Variants in SPTBN4 observed in about 807,000 individuals in gnomAD.
The protein encoded by SPTBN4 is spectrin beta chain, non-erythrocytic 4.
SPTBN4 carries 96 observed loss-of-function variants against 277.8 expected under a neutral mutation model. The ratio of observed to expected loss-of-function variants is 0.35; its 90% confidence interval spans 0.29 to 0.41. The LOEUF (loss-of-function observed/expected upper bound fraction) is 0.41, where lower values mean the gene tolerates loss of function less well. Ranked by LOEUF, SPTBN4 falls within the 10% of genes least tolerant of loss-of-function variation. The pLI, the probability that SPTBN4 is intolerant of heterozygous loss-of-function variation, is 1.00. For missense variants in SPTBN4, 3,006 were observed against 3,595.7 expected, an observed-to-expected ratio of 0.84 and a Z score of 4.19; for synonymous variants, 1,481 against 1,580.3, an observed-to-expected ratio of 0.94 and a Z score of 1.49.
chr19:40,541,675 C>T (rs1046353444), intron 20 of SPTBN4, among the ~76,000 whole-genome samples: 8 of 152,098 alleles, frequency 5.3e-5, no homozygotes, highest in African/African-American at 2.4e-5. Flanking sequence ...CCTGTCCTCC[C>T]GTCGCCATCT....
intron 13 of SPTBN4, among the ~76,000 whole-genome samples, chr19:40,507,830 C>T (rs1476464117): frequency 6.6e-6 from 1 of 152,170 alleles, no homozygotes; most frequent in Non-Finnish European, 1.5e-5. Context: ...GAGCGAGACT[C>T]CTTCTCAAAA....
At chr19:40,544,189 C>A (rs1240428115) in intron 20 of SPTBN4, among the ~76,000 whole-genome samples, 3 of 149,830 alleles carry the variant, frequency 2.0e-5, no homozygotes, top group Non-Finnish European at 3.0e-5. Flanking sequence ...TTTGCCAAAG[C>A]CGGAGCGCAA....
chr19:40,480,622 T>G (rs994060679), intron 2 of SPTBN4, among the ~76,000 whole-genome samples: 5 of 152,208 alleles, frequency 3.3e-5, no homozygotes, highest in Admixed American at 3.3e-4. Flanking sequence ...ATTATGCTTG[T>G]GGGAGATTCA....
rs556371012 is a variant in SPTBN4 at position 40,490,005 on chromosome 19, C to G, written c.322-70C>G. The G allele has an allele frequency of 1.5e-3, 2,228 of 1,454,508 alleles. 4 individuals carry two copies. The highest frequency in any genetic ancestry group is 1.6e-3 in the Non-Finnish European group (1,804 of 1,096,846). The allele number at this position is 1,454,508 out of a possible 1,614,324, so 90.1% of individuals were successfully genotyped here. A position where few individuals can be genotyped will look rare whatever the true frequency, so the allele number is the denominator to read the frequency against. On this transcript the variant is annotated intron_variant, in intron 3 of 35. Transcript: ENST00000598249. The surrounding 1 kb of genome is among the most constrained non-coding windows in gnomAD (Gnocchi z 4.3). ...CACGGGAGGCGGGCTTCTTTGGAAGCTGCGGGGCCGAGGGCGCCATACTCC... is the reference window on the plus strand; with the variant it reads ...CACGGGAGGCGGGCTTCTTTGGAAGGTGCGGGGCCGAGGGCGCCATACTCC...
chr19:40,549,039 A>G, intron 20 of SPTBN4, 150 bp from the exon 21 acceptor site: 1 of 620,152 alleles, frequency 1.6e-6, no homozygotes, highest in South Asian at 2.1e-5. Flanking sequence ...GTTCATGCGG[A>G]GCGCATCGCT....
At chr19:40,568,698 G>T (rs2081121390) in intron 31 of SPTBN4, among the ~76,000 whole-genome samples, 1 of 152,128 alleles carries the variant, frequency 6.6e-6, no homozygotes, top group Admixed American at 6.6e-5. Flanking sequence ...TATGAAGTGG[G>T]GGCTGTTGTC....
At chr19:40,481,950 CT>C (rs2080017156) in intron 2 of SPTBN4, among the ~76,000 whole-genome samples, 1 of 125,600 alleles carries the variant, frequency 8.0e-6, no homozygotes, top group Non-Finnish European at 1.7e-5. Flanking sequence ...TTTTTTTTTT[CT>C]TTTGAGATGG....
chr19:40,555,789 C>T (rs1472869250), intron 24 of SPTBN4, among the ~76,000 whole-genome samples: 1 of 151,622 alleles, frequency 6.6e-6, no homozygotes. Flanking sequence ...GGTGTAGAGT[C>T]ACGTGCCTGT....
At position 40,551,880 on chromosome 19, in the gene SPTBN4, G is replaced by C. The variant is rs184526012; in HGVS notation, c.4674+1553G>C. ...ATAGTAGAAGGTGCCTGTAATCCCA[G>C]CTACCTGGGAGGCTGAGGCAGGAGA... On this transcript the variant is annotated intron_variant, in intron 22 of 35. Coordinates refer to ENST00000598249, the MANE Select transcript of SPTBN4 (RefSeq NM_020971.3). Among the ~76,000 whole-genome samples the C allele has an allele frequency of 5.1e-3, 781 of 152,152 alleles. 6 individuals carry two copies. Among genetic ancestry groups the C allele is most frequent in the African/African-American group, 0.018 (736 of 41,474 alleles).
At position 40,487,826 on chromosome 19, in the gene SPTBN4, A is replaced by T; in HGVS notation, c.299A>T (p.Glu100Val). Residue 100 changes from glutamate (E) to valine (V), a missense_variant, in exon 3 of 36, where the codon GAA (glutamate) becomes GTA (valine). Glu to Val is a moderately radical substitution (Grantham distance 121). Coordinates refer to ENST00000598249, the MANE Select transcript of SPTBN4 (RefSeq NM_020971.3). ...GGCTTCGTGCTCACGCGGCTCCTGG[A>T]AGTGCTGTCTGGGGAGCAGCTGGTG... Reference protein sequence around the residue: ...RDGFVLTRLLEVLSGEQLPRP... With the variant: ...RDGFVLTRLLVVLSGEQLPRP... 3 of 1,608,670 alleles carry T rather than the reference A, an allele frequency of 1.9e-6. No individual in the cohort carries two copies. The highest frequency in any genetic ancestry group is 2.5e-6 in the Non-Finnish European group (3 of 1,177,584).
chr19:40,497,459 G>A (rs764600974), intron 6 of SPTBN4, 30 bp from the exon 7 acceptor site: 32 of 1,563,286 alleles, frequency 2.0e-5, no homozygotes, highest in Non-Finnish European at 2.8e-5. Context: ...GAGCCTGCCT[G>A]CTGCCTGCCT....
intron 2 of SPTBN4, among the ~76,000 whole-genome samples, chr19:40,473,566 A>G (rs1347553254): frequency 1.3e-5 from 2 of 151,576 alleles, no homozygotes; most frequent in Non-Finnish European, 2.9e-5. Context: ...CATGTTGGTC[A>G]GGCTGGTCTC....
In SPTBN4 at chr19:40,567,990, G is replaced by T; in HGVS notation, c.6664G>T (p.Ala2222Ser). ...CGCGGCGGAGACCCCCGCGACCCCC[G>T]CGGCGGCGGAGCAGGTGCGGCCACG... The part of the protein sequence containing the change: ...EDAAETPATP[A>S]AAEQVRPRPE... Residue 2222 changes from alanine to serine, a missense_variant, in exon 31 of 36, where the codon GCG (alanine) becomes TCG (serine). Ala to Ser is a moderately conservative substitution (Grantham distance 99, BLOSUM62 1). This residue lies in a region of SPTBN4 where 630 missense variants were observed against 677.6 expected (regional missense o/e 0.93). Transcript: ENST00000598249. 6.7e-7 allele frequency: 1 copy of T among 1,500,868 alleles called. No homozygotes were observed. The allele number at this position is 1,500,868 out of a possible 1,614,324, so 93.0% of individuals were successfully genotyped here.
intron 15 of SPTBN4, among the ~76,000 whole-genome samples, chr19:40,518,188 C>T (rs1422793881): frequency 1.3e-5 from 2 of 152,082 alleles, no homozygotes; most frequent in Non-Finnish European, 2.9e-5. Flanking sequence ...CGCCTGTAAT[C>T]CCAGCTACTT....
chr19:40,487,424 C>T (rs1380247353), intron 2 of SPTBN4, among the ~76,000 whole-genome samples: 3 of 151,036 alleles, frequency 2.0e-5, no homozygotes, highest in African/African-American at 7.3e-5. Flanking sequence ...TGGCTCACTG[C>T]AGGCTCCACC....
intron 6 of SPTBN4, among the ~76,000 whole-genome samples, chr19:40,497,095 A>G (rs1042968589): frequency 1.5e-4 from 23 of 148,542 alleles, no homozygotes; most frequent in African/African-American, 5.5e-4. Context: ...AAAAAAAAAA[A>G]GAGGTACATG....
Position 40,490,233 on chromosome 19 carries a change from C to T in SPTBN4, c.480C>T (p.Ile160=), listed in dbSNP as rs576326506. ...HRLTLGLVWT[I]ILRFQIQVIK... is the part of the protein sequence containing the mutation. ...TGACGCTGGGGCTGGTCTGGACCAT[C>T]ATCCTGCGCTTCCAGGTGACCCTCG... is the stretch of plus-strand genomic sequence containing the variant. The change falls in exon 4 of 36, where the codon ATC becomes ATT. Residue 160 remains isoleucine (I), a synonymous_variant. Coordinates refer to ENST00000598249, the MANE Select transcript of SPTBN4 (RefSeq NM_020971.3). This position sits in a 1 kb window ranked among gnomAD's most constrained non-coding sequence, Gnocchi z 4.3. 50 of 1,613,710 alleles carry T rather than the reference C, an allele frequency of 3.1e-5. 3 individuals carry two copies. In the South Asian group the frequency reaches 5.5e-4, roughly 18 times the overall value.
At chr19:40,496,894 G>A (rs112745386) in intron 6 of SPTBN4, among the ~76,000 whole-genome samples, 1 of 151,590 alleles carries the variant, frequency 6.6e-6, no homozygotes, top group African/African-American at 2.4e-5. Flanking sequence ...CCAACATGGT[G>A]AAACCCCGTC....
intron 18 of SPTBN4, among the ~76,000 whole-genome samples, chr19:40,529,742 G>C (rs62107057): frequency 2.0e-5 from 3 of 151,988 alleles, no homozygotes; most frequent in African/African-American, 2.4e-5. Flanking sequence ...GGCCACATTA[G>C]AGATGGCCTA....
Sources: allele counts gnomAD v4.1 joint callset (sites outside exome capture counted in the v4.1 genomes callset), GRCh38; gene constraint gnomAD v4.1.1; regional missense constraint gnomAD v4.1.1; non-coding constraint Gnocchi (gnomAD v3.1); transcripts MANE v1.5; gene names NCBI Gene and HGNC (gene_info 2026-07-23, HGNC 2026-07-21).